The following ERBB4 variants were observed in gnomAD, a reference collection of about 807,000 sequenced individuals.
The protein encoded by ERBB4 is erb-b2 receptor tyrosine kinase 4.
In ERBB4, 42 loss-of-function variants were observed where a neutral mutation model predicts 158.0. The ratio of observed to expected loss-of-function variants is 0.27; its 90% CI spans 0.21 to 0.34. The LOEUF (loss-of-function observed/expected upper bound fraction) is 0.34, where lower values mean the gene tolerates loss of function less well. ERBB4 is among the 10% of genes least tolerant of loss of function. ERBB4 has a pLI of 1.00. For missense variants in ERBB4, 1,333 were observed against 1,624.1 expected (o/e 0.82, Z 3.08); for synonymous variants, 583 against 558.7 (o/e 1.04, Z -0.61).
At chr2:211,384,564 T>C (rs1013897279) in intron 27 of ERBB4, among the ~76,000 whole-genome samples, 9 of 152,154 alleles carry the variant, frequency 5.9e-5, no homozygotes, top group Admixed American at 5.9e-4. Context: ...TGATTGCCTA[T>C]ACTGGTAACA....
At chr2:211,813,113 CT>C (rs1314710916) in intron 3 of ERBB4, among the ~76,000 whole-genome samples, 1 of 152,208 alleles carries the variant, frequency 6.6e-6, no homozygotes, top group African/African-American at 2.4e-5. Context: ...CAGAAATCAC[CT>C]GTCTTCTGCG....
intron 14 of ERBB4, among the ~76,000 whole-genome samples, chr2:211,669,216 CAAAAA>C (rs71054124): frequency 8.9e-5 from 5 of 56,106 alleles, no homozygotes; most frequent in Non-Finnish European, 1.0e-4. Context: ...GAGTGAGTCT[CAAAAA>C]AAAAAAAAAA....
At chr2:212,262,810 T>C (rs940823117) in intron 1 of ERBB4, among the ~76,000 whole-genome samples, 1 of 152,170 alleles carries the variant, frequency 6.6e-6, no homozygotes, top group Non-Finnish European at 1.5e-5. Context: ...ACAAAAACTA[T>C]AATTCTAAAT....
intron 1 of ERBB4, among the ~76,000 whole-genome samples, chr2:212,226,693 T>C (rs1424809691): frequency 6.6e-6 from 1 of 152,184 alleles, no homozygotes; most frequent in African/African-American, 2.4e-5. Context: ...CTATGTTATA[T>C]AGAACATAAA....
chr2:212,178,226 T>C (rs571596061), intron 1 of ERBB4, among the ~76,000 whole-genome samples: 1 of 151,886 alleles, frequency 6.6e-6, no homozygotes, highest in African/African-American at 2.4e-5. Flanking sequence ...TGGAAGGTGA[T>C]ATAATCATAT....
chr2:211,647,883 ACCTTACCTGATTTCCT>A (rs921339816), intron 16 of ERBB4, among the ~76,000 whole-genome samples: 31 of 151,766 alleles, frequency 2.0e-4, no homozygotes, highest in African/African-American at 7.2e-4. Context: ...CCAGGGCTTC[ACCTTACCTGATTTCCT>A]CCTACCTCCA....
intron 1 of ERBB4, among the ~76,000 whole-genome samples, chr2:212,314,128 C>T (rs975891725): frequency 1.3e-5 from 2 of 151,154 alleles, no homozygotes; most frequent in Admixed American, 1.3e-4. Flanking sequence ...TTCACTAAGA[C>T]ACTGAGTTAT....
chr2:211,748,256 A>C (rs1252543965), intron 5 of ERBB4, among the ~76,000 whole-genome samples: 1 of 151,994 alleles, frequency 6.6e-6, no homozygotes, highest in Non-Finnish European at 1.5e-5. Flanking sequence ...TAATTAAAGT[A>C]ATTATTTTAA....
intron 1 of ERBB4, among the ~76,000 whole-genome samples, chr2:212,239,135 C>T (rs917000836): frequency 6.6e-6 from 1 of 152,300 alleles, no homozygotes; most frequent in Non-Finnish European, 1.5e-5. Flanking sequence ...CTCACTGTAG[C>T]CGCAAACTCC....
intron 2 of ERBB4, among the ~76,000 whole-genome samples, chr2:212,076,634 T>C (rs2078282547): frequency 6.6e-6 from 1 of 151,898 alleles, no homozygotes; most frequent in Non-Finnish European, 1.5e-5. Flanking sequence ...ACCACATTCT[T>C]TGCAAGAGGT....
At chr2:211,871,146 C>A (rs2078333169) in intron 3 of ERBB4, among the ~76,000 whole-genome samples, 3 of 152,058 alleles carry the variant, frequency 2.0e-5, no homozygotes, top group Non-Finnish European at 4.4e-5. Context: ...TATCAGGGAA[C>A]ATAACACCAG....
At chr2:212,410,065 T>C (rs771716418) in intron 1 of ERBB4, among the ~76,000 whole-genome samples, 1 of 151,992 alleles carries the variant, frequency 6.6e-6, no homozygotes, top group Non-Finnish European at 1.5e-5. Flanking sequence ...AAAATAGAAA[T>C]AACAGTGTTT....
intron 20 of ERBB4, among the ~76,000 whole-genome samples, chr2:211,446,100 G>T (rs1184280095): frequency 6.6e-6 from 1 of 152,154 alleles, no homozygotes; most frequent in Non-Finnish European, 1.5e-5. Flanking sequence ...ATAAGTTGAG[G>T]ATGAGAGGAA....
chr2:211,651,641 G>A (rs1186051763), intron 16 of ERBB4, among the ~76,000 whole-genome samples: 1 of 138,398 alleles, frequency 7.2e-6, no homozygotes, highest in Admixed American at 7.6e-5. Context: ...AAATCTAGGA[G>A]ATTCAAAGAA....
At chr2:211,774,789 T>C (rs538954234) in intron 4 of ERBB4, among the ~76,000 whole-genome samples, 1 of 152,328 alleles carries the variant, frequency 6.6e-6, no homozygotes, top group South Asian at 2.1e-4. Flanking sequence ...AGGGTGCTTA[T>C]TATATCGTTT....
At chr2:212,021,881 CA>C (rs2076659823) in intron 2 of ERBB4, among the ~76,000 whole-genome samples, 1 of 152,024 alleles carries the variant, frequency 6.6e-6, no homozygotes, top group Admixed American at 6.5e-5. Flanking sequence ...AGCCACTTCT[CA>C]AAAGAAGACA....
At chr2:211,653,484 C>CCA (rs1553603801) in intron 16 of ERBB4, among the ~76,000 whole-genome samples, 9 of 148,244 alleles carry the variant, frequency 6.1e-5, no homozygotes, top group African/African-American at 2.0e-4. Flanking sequence ...CCCGCCCCCC[C>CCA]CCACGCCCGC....
At chr2:212,217,779 A>C (rs780899270) in intron 1 of ERBB4, among the ~76,000 whole-genome samples, 1 of 151,326 alleles carries the variant, frequency 6.6e-6, no homozygotes, top group African/African-American at 2.4e-5. Flanking sequence ...AGTTTTTATA[A>C]TTTAATTAAG....
At chr2:211,490,814 A>T (rs966993916) in intron 20 of ERBB4, among the ~76,000 whole-genome samples, 3 of 152,138 alleles carry the variant, frequency 2.0e-5, no homozygotes, top group Middle Eastern at 3.2e-3. Flanking sequence ...AGAGTGGGGA[A>T]GAAAGAGACA....
Sources: gnomAD v4.1 joint callset for allele counts (sites outside exome capture counted in the v4.1 genomes callset) on GRCh38, gnomAD v4.1.1 for gene constraint, MANE v1.5 for transcripts, NCBI Gene and HGNC (gene_info 2026-07-23, HGNC 2026-07-21) for gene names.